Variants in LRRC37A observed in about 807,000 individuals in gnomAD.
The protein encoded by LRRC37A is leucine-rich repeat-containing protein 37A.
Under a neutral mutation model 35.4 loss-of-function variants are expected in LRRC37A, and 3 were observed. The ratio of observed to expected loss-of-function variants is 0.08; its 90% confidence interval spans 0.04 to 0.22. LRRC37A has a LOEUF of 0.22. LRRC37A is among the 10% of genes least tolerant of loss of function. The pLI is 1.00. For synonymous variants in LRRC37A, 23 were observed against 215.0 expected (o/e 0.11, Z 7.81); for missense variants, 67 against 565.3 (o/e 0.12, Z 8.94).
At chr17:46,269,366 T>A in the LRRC37A span, among the ~76,000 whole-genome samples, 3 of 152,196 alleles carry the variant, frequency 2.0e-5, no homozygotes, top group Admixed American at 2.0e-4. Context: ...AAACCCTGTC[T>A]CTACTAAAAA....
the LRRC37A span, among the ~76,000 whole-genome samples, chr17:46,287,146 A>C: frequency 6.6e-6 from 1 of 152,228 alleles, no homozygotes; most frequent in African/African-American, 2.4e-5. Flanking sequence ...ATGCTCTATC[A>C]CATGTGCAAA....
chr17:46,335,358 G>A (rs1226299574), intron 10 of LRRC37A, among the ~76,000 whole-genome samples, 187 bp from the exon 11 acceptor site: 5 of 38,494 alleles, frequency 1.3e-4, no homozygotes, highest in African/African-American at 1.9e-4. Context: ...CCAATCCCCC[G>A]CAAGATAGCA....
chr17:46,283,309 C>T, the LRRC37A span, among the ~76,000 whole-genome samples: 2 of 152,212 alleles, frequency 1.3e-5, no homozygotes, highest in African/African-American at 2.4e-5. Context: ...CTCATGTGTA[C>T]CCACAGGTTC....
chr17:46,276,005 C>T, the LRRC37A span, among the ~76,000 whole-genome samples: 14 of 152,208 alleles, frequency 9.2e-5, no homozygotes, highest in African/African-American at 3.4e-4. Context: ...ATTCTCCTGC[C>T]TCAGCCTCCC....
chr17:46,280,741 G>T, the LRRC37A span, among the ~76,000 whole-genome samples: 21,674 of 151,692 alleles, frequency 0.14, 1,875 homozygotes, highest in Non-Finnish European at 0.22. Context: ...GCCCGCCTAA[G>T]TATTGTATTT....
At chr17:46,280,890 T>C in the LRRC37A span, among the ~76,000 whole-genome samples, 1 of 152,232 alleles carries the variant, frequency 6.6e-6, no homozygotes, top group Non-Finnish European at 1.5e-5. Flanking sequence ...GCACACGCTT[T>C]TAAAAAATAC....
chr17:46,283,009 C>T, the LRRC37A span, among the ~76,000 whole-genome samples: 5 of 152,186 alleles, frequency 3.3e-5, no homozygotes, highest in Non-Finnish European at 1.5e-5. Flanking sequence ...GTCCCAACTA[C>T]GCGGGAGGCT....
At chr17:46,286,263 TTAA>T in the LRRC37A span, among the ~76,000 whole-genome samples, 1 of 152,252 alleles carries the variant, frequency 6.6e-6, no homozygotes. Context: ...ATTTTTGATG[TTAA>T]GAACAAGCAG....
the LRRC37A span, among the ~76,000 whole-genome samples, chr17:46,248,484 T>C: frequency 6.6e-6 from 1 of 152,050 alleles, no homozygotes; most frequent in African/African-American, 2.4e-5. Flanking sequence ...TGAAATCATA[T>C]AGCATGTAGC....
At chr17:46,270,565 TTAACTCAGGCA>T in the LRRC37A span, among the ~76,000 whole-genome samples, 13,576 of 140,092 alleles carry the variant, frequency 0.097, 1 homozygote, top group Middle Eastern at 0.17. Context: ...ATAAAAAAAA[TTAACTCAGGCA>T]TAACTCAGGC....
the LRRC37A span, among the ~76,000 whole-genome samples, chr17:46,263,062 AGTT>A: frequency 6.6e-6 from 1 of 152,000 alleles, no homozygotes; most frequent in African/African-American, 2.4e-5. Context: ...AAAATATAAA[AGTT>A]AGCTGGGTTT....
At chr17:46,253,689 G>C in the LRRC37A span, among the ~76,000 whole-genome samples, 5 of 143,238 alleles carry the variant, frequency 3.5e-5, no homozygotes, top group African/African-American at 1.2e-4. Context: ...AGTGAGCCGA[G>C]ATGGCGGCAG....
the LRRC37A span, chr17:46,260,618 C>CT: frequency 8.5e-7 from 1 of 1,181,908 alleles, no homozygotes; most frequent in Admixed American, 3.1e-5. Flanking sequence ...GCTCTCTATT[C>CT]TCTTTTTTTT....
At chr17:46,285,431 G>A in the LRRC37A span, among the ~76,000 whole-genome samples, 14 of 152,022 alleles carry the variant, frequency 9.2e-5, no homozygotes, top group African/African-American at 3.1e-4. Flanking sequence ...TAGTAGAGAC[G>A]GGGTTTCACC....
At chr17:46,273,080 GC>G in the LRRC37A span, among the ~76,000 whole-genome samples, 1 of 152,152 alleles carries the variant, frequency 6.6e-6, no homozygotes, top group Non-Finnish European at 1.5e-5. Context: ...GCAATCTATT[GC>G]CTACAGGTAG....
chr17:46,280,278 C>T, the LRRC37A span, among the ~76,000 whole-genome samples: 1 of 152,162 alleles, frequency 6.6e-6, no homozygotes, highest in Non-Finnish European at 1.5e-5. Flanking sequence ...GCAGGAGAAT[C>T]GCTTGAACGC....
chr17:46,317,046 T>C (rs1292469327), intron 5 of LRRC37A, among the ~76,000 whole-genome samples: 1 of 89,998 alleles, frequency 1.1e-5, no homozygotes, highest in Admixed American at 1.2e-4. Flanking sequence ...CTGATTTCTG[T>C]ATCTTTTCCC....
the LRRC37A span, among the ~76,000 whole-genome samples, chr17:46,278,590 G>T: frequency 6.6e-6 from 1 of 151,484 alleles, no homozygotes. Context: ...TTTTAGTAGA[G>T]ATGAGGTTTC....
At chr17:46,269,095 CCTGATT>C in the LRRC37A span, among the ~76,000 whole-genome samples, 17,138 of 149,786 alleles carry the variant, frequency 0.11, no homozygotes, top group Non-Finnish European at 0.17. Context: ...TATATTCAAA[CCTGATT>C]TATATTCAAA....
Sources: allele counts gnomAD v4.1 joint callset (sites outside exome capture counted in the v4.1 genomes callset), GRCh38; gene constraint gnomAD v4.1.1; transcripts MANE v1.5; gene names NCBI Gene and HGNC (gene_info 2026-07-23, HGNC 2026-07-21).